The following EBF3 variants were observed in gnomAD, a reference collection of about 807,000 sequenced individuals.
The protein encoded by EBF3 is transcription factor COE3.
In EBF3, 18 loss-of-function variants were observed where a neutral mutation model predicts 77.1. The observed-to-expected ratio is 0.23, with a 90% CI of 0.16 to 0.35. The LOEUF is 0.35. Among genes scored for constraint, EBF3 ranks in the 10% least tolerant of loss-of-function variants. The probability of loss-of-function intolerance (pLI) is 1.00; values close to 1 mark genes in which losing one functional copy is unlikely to be tolerated. For missense variants in EBF3, 558 were observed against 860.0 expected (o/e 0.65, Z 4.39); for synonymous variants, 350 against 343.5 (o/e 1.02, Z -0.21).
At chr10:129,941,487 T>G (rs186005835) in intron 6 of EBF3, among the ~76,000 whole-genome samples, 183 of 152,332 alleles carry the variant, frequency 1.2e-3, no homozygotes, top group African/African-American at 3.8e-3. Context: ...GTGCCAAGAC[T>G]AGGCCACAGA....
chr10:129,922,250 C>CA (rs1337959864), intron 6 of EBF3, among the ~76,000 whole-genome samples: 4 of 152,222 alleles, frequency 2.6e-5, no homozygotes, highest in African/African-American at 9.6e-5. Context: ...GATTCCCACT[C>CA]ACAACGAGGC....
intron 6 of EBF3, among the ~76,000 whole-genome samples, chr10:129,913,026 G>C (rs759425090): frequency 6.6e-6 from 1 of 152,162 alleles, no homozygotes; most frequent in African/African-American, 2.4e-5. Context: ...TCTGGTGTCT[G>C]AGCAAAAAAC....
intron 4 of EBF3, among the ~76,000 whole-genome samples, chr10:129,960,901 A>C (rs773981444): frequency 2.2e-4 from 34 of 152,258 alleles, no homozygotes; most frequent in Non-Finnish European, 3.4e-4. Flanking sequence ...CCGGAGTTCC[A>C]GAGGCTTCTC....
Position 129,963,333 on chromosome 10 carries a change from AAGAG to A in EBF3, c.291+30_291+33del. 1 of 1,555,898 alleles carries A rather than the reference AAGAG, an allele frequency of 6.4e-7. No homozygotes were observed. The highest frequency in any genetic ancestry group is 8.7e-7 in the Non-Finnish European group (1 of 1,153,342). On this transcript the variant is annotated intron_variant, in intron 2 of 16. Coordinates refer to ENST00000440978, the MANE Select transcript of EBF3 (RefSeq NM_001375380.1). This position sits in a 1 kb window ranked among gnomAD's most constrained non-coding sequence, Gnocchi z 7.1. ...GCACCGCCTGCCTCCCGCTTCTAGA[AAGAG>A]AGAGGGTGTGATCGTGTGTTTGCAC...
intron 10 of EBF3, among the ~76,000 whole-genome samples, chr10:129,862,518 G>A (rs997947535): frequency 4.6e-5 from 7 of 152,108 alleles, no homozygotes; most frequent in Admixed American, 2.0e-4. Flanking sequence ...TCAACCATCC[G>A]GGTGCAAGAA....
intron 4 of EBF3, among the ~76,000 whole-genome samples, chr10:129,961,929 CAG>C (rs1170190718): frequency 3.3e-5 from 5 of 152,280 alleles, no homozygotes; most frequent in South Asian, 2.1e-4. Flanking sequence ...TTAATTAAGA[CAG>C]AATATGATTC....
At chr10:129,851,407 C>G (rs1850872153) in intron 10 of EBF3, among the ~76,000 whole-genome samples, 1 of 152,208 alleles carries the variant, frequency 6.6e-6, no homozygotes, top group Admixed American at 6.5e-5. Flanking sequence ...GGTTCCCGAG[C>G]AATTTATTCC....
chr10:129,855,589 G>A (rs1459023349), intron 10 of EBF3, among the ~76,000 whole-genome samples: 1 of 152,114 alleles, frequency 6.6e-6, no homozygotes, highest in Non-Finnish European at 1.5e-5. Flanking sequence ...TTCTGAGGTC[G>A]GGAAGTGGGC....
chr10:129,909,196 G>A (rs1455220295), intron 6 of EBF3, among the ~76,000 whole-genome samples: 1 of 152,168 alleles, frequency 6.6e-6, no homozygotes, highest in African/African-American at 2.4e-5. Context: ...TCTCCCCATG[G>A]CTGCCCTGGA....
Position 129,935,701 on chromosome 10 carries a change from T to C in EBF3, c.554+21557A>G, listed in dbSNP as rs1857312058. ...GCCACCATTCCTCCTACGTCAGCAC[T>C]GGGGAGTCCAGAGGCCAACCCCGCA... On this transcript the variant is annotated intron_variant, in intron 6 of 16. Coordinates refer to ENST00000440978, the MANE Select transcript of EBF3 (RefSeq NM_001375380.1). This position sits in a 1 kb window ranked among gnomAD's most constrained non-coding sequence, Gnocchi z 4.2. Among the ~76,000 whole-genome samples the C allele has an allele frequency of 6.6e-6, 1 of 152,188 alleles. No individual in the cohort carries two copies. Among genetic ancestry groups the C allele is most frequent in the Non-Finnish European group, 1.5e-5 (1 of 68,020 alleles).
chr10:129,936,100 T>C (rs1857340003), intron 6 of EBF3, among the ~76,000 whole-genome samples: 2 of 152,324 alleles, frequency 1.3e-5, no homozygotes, highest in African/African-American at 4.8e-5. Context: ...ATTATTAAAT[T>C]ATAGAATTAT....
intron 6 of EBF3, among the ~76,000 whole-genome samples, chr10:129,927,055 T>A (rs1229270178): frequency 6.6e-6 from 1 of 152,246 alleles, no homozygotes; most frequent in African/African-American, 2.4e-5. Context: ...AGGCGCATCT[T>A]TTTTGGCTTG....
chr10:129,934,457 G>A (rs72837181), intron 6 of EBF3, among the ~76,000 whole-genome samples: 2,306 of 152,242 alleles, frequency 0.015, 28 homozygotes, highest in Middle Eastern at 0.048. Flanking sequence ...GCACCTCGCC[G>A]CACACAGGGA....
intron 6 of EBF3, among the ~76,000 whole-genome samples, chr10:129,895,397 G>A (rs948061740): frequency 6.6e-6 from 1 of 152,208 alleles, no homozygotes; most frequent in Non-Finnish European, 1.5e-5. Flanking sequence ...CCTGAGGCTC[G>A]GGTGTACCAA....
At position 129,867,773 on chromosome 10, in the gene EBF3, C is replaced by T. The variant is rs757810565; in HGVS notation, c.912+9G>A. ...AACAGCGCGAAGCTGACCGAGTCCG[C>T]GGGCTTACCTCGCTCCACACCAACA... On this transcript the variant is annotated intron_variant, in intron 9 of 16. Transcript: ENST00000440978. 1.0e-5 allele frequency: 16 copies of T among 1,600,756 alleles called. No individual in the cohort carries two copies. The East Asian group carries it at 1.8e-4, about 18-fold the overall frequency.
chr10:129,956,231 C>A lies in EBF3; in HGVS notation c.554+1027G>T, dbSNP rs142614951. Among the ~76,000 whole-genome samples the A allele has an allele frequency of 1.1e-4, 17 of 152,274 alleles. No individual in the cohort carries two copies. In the South Asian group the frequency reaches 2.7e-3, roughly 24 times the overall value. ...AGTTTTCCGGGTTTAATTTTTCAGA[C>A]ACTGGACAGCAAAGTTCATGATCAA... is the stretch of plus-strand genomic sequence containing the variant. On this transcript the variant is annotated intron_variant, in intron 6 of 16. Coordinates refer to ENST00000440978, the MANE Select transcript of EBF3 (RefSeq NM_001375380.1).
intron 6 of EBF3, among the ~76,000 whole-genome samples, chr10:129,937,181 G>C (rs897772702): frequency 2.0e-5 from 3 of 152,208 alleles, no homozygotes; most frequent in African/African-American, 7.2e-5. Flanking sequence ...ACTGGGATCA[G>C]ATGGGTGGGA....
At chr10:129,886,344 T>C (rs1853583757) in intron 6 of EBF3, among the ~76,000 whole-genome samples, 1 of 152,258 alleles carries the variant, frequency 6.6e-6, no homozygotes, top group African/African-American at 2.4e-5. Context: ...TTAGTTTTAA[T>C]GCAGGTAATG....
At chr10:129,948,233 G>A (rs569712562) in intron 6 of EBF3, among the ~76,000 whole-genome samples, 1 of 139,972 alleles carries the variant, frequency 7.1e-6, no homozygotes, top group East Asian at 2.1e-4. Context: ...ACTCCAGCCT[G>A]GGCAACAAGA....
Sources: allele counts gnomAD v4.1 joint callset (sites outside exome capture counted in the v4.1 genomes callset), GRCh38; gene constraint gnomAD v4.1.1; non-coding constraint Gnocchi (gnomAD v3.1); transcripts MANE v1.5; gene names NCBI Gene and HGNC (gene_info 2026-07-23, HGNC 2026-07-21).